The following SH3GLB2 variants were observed in gnomAD, a reference collection of about 807,000 sequenced individuals.
SH3GLB2 encodes the protein endophilin-B2.
Under a neutral mutation model 48.0 loss-of-function variants are expected in SH3GLB2, and 24 were observed. The ratio of observed to expected loss-of-function variants is 0.50; its 90% CI spans 0.36 to 0.70. The LOEUF is 0.70. SH3GLB2 is among the 30% of genes least tolerant of loss of function. The pLI, the probability that SH3GLB2 is intolerant of heterozygous loss-of-function variation, is 0.00. For missense variants in SH3GLB2, 425 were observed against 516.0 expected, an observed-to-expected ratio of 0.82 and a Z score of 1.71; for synonymous variants, 227 against 207.6, an observed-to-expected ratio of 1.09 and a Z score of -0.80.
At chr9:129,012,931 C>T in intron 5 of SH3GLB2, 2 of 1,538,154 alleles carry the variant, frequency 1.3e-6, no homozygotes, top group Non-Finnish European at 1.8e-6. Context: ...AGGACGTGGG[C>T]TGGCCATGGC....
chr9:129,020,950 T>C, intron 3 of SH3GLB2, 141 bp downstream of exon 3: 2 of 1,050,226 alleles, frequency 1.9e-6, no homozygotes, highest in Non-Finnish European at 2.5e-6. Flanking sequence ...ACTCTTTTTT[T>C]CTGCGTAGAG....
At position 129,009,881 on chromosome 9, in the gene SH3GLB2, A is replaced by G. The variant is rs1361458047; in HGVS notation, c.739-10T>C. ...AGCGCAGGTGGTTCACCTGCGGGGA[A>G]GAGGCCAGAGGCTGACTTCTAACCT... On this transcript the variant is annotated splice_polypyrimidine_tract_variant and intron_variant, in intron 8 of 10. Coordinates refer to ENST00000372564, the MANE Select transcript of SH3GLB2 (RefSeq NM_020145.4). The G allele has an allele frequency of 2.5e-6, 4 of 1,610,802 alleles. No individual in the cohort carries two copies. In the East Asian group the frequency reaches 8.9e-5, roughly 36 times the overall value.
chr9:129,026,985 C>A (rs1412640143), intron 1 of SH3GLB2, among the ~76,000 whole-genome samples: 5 of 152,040 alleles, frequency 3.3e-5, no homozygotes, highest in Admixed American at 1.3e-4. Context: ...AGGGGAGTGC[C>A]CGGGTTGGGG....
chr9:129,012,949 G>A, intron 5 of SH3GLB2: 1 of 1,549,566 alleles, frequency 6.5e-7, no homozygotes, highest in Non-Finnish European at 8.7e-7. Context: ...GGCACCGTGG[G>A]TCCACGGGCA....
Position 129,019,806 on chromosome 9 carries a change from T to G in SH3GLB2, c.334+1285A>C, listed in dbSNP as rs567493957. On this transcript the variant is annotated intron_variant, in intron 3 of 10. Coordinates refer to ENST00000372564, the MANE Select transcript of SH3GLB2 (RefSeq NM_020145.4). ...GAATTATACACTTAAACACATAATATATAGCTTATACTTGGATAAAATTTT... is the reference window on the plus strand; with the variant it reads ...GAATTATACACTTAAACACATAATAGATAGCTTATACTTGGATAAAATTTT... Among the ~76,000 whole-genome samples, 3 of 150,546 alleles carry G rather than the reference T, an allele frequency of 2.0e-5. No homozygotes were observed. In the South Asian group the frequency reaches 6.3e-4, roughly 32 times the overall value.
intron 3 of SH3GLB2, among the ~76,000 whole-genome samples, chr9:129,016,919 A>G (rs1843462055): frequency 6.6e-6 from 1 of 151,906 alleles, no homozygotes; most frequent in African/African-American, 2.4e-5. Context: ...AGATAATTCA[A>G]CAGTAATAGT....
chr9:129,016,764 G>A (rs1180866690), intron 3 of SH3GLB2, among the ~76,000 whole-genome samples: 1 of 151,944 alleles, frequency 6.6e-6, no homozygotes, highest in African/African-American at 2.4e-5. Context: ...AGACAAAATA[G>A]ACTTTAACAC....
chr9:129,017,438 C>G lies in SH3GLB2; in HGVS notation c.335-2534G>C, dbSNP rs749370170. 3.9e-5 allele frequency among the ~76,000 whole-genome samples: 6 copies of G among 152,098 alleles called. No homozygotes were observed. The East Asian group carries it at 5.8e-4, about 15-fold the overall frequency. ...ATAGACCATATACTAGGTCATGAAA[C>G]AAGTCTCAATAAATTTAAAAGGATT... On this transcript the variant is annotated intron_variant, in intron 3 of 10. Transcript: ENST00000372564.
At position 129,014,500 on chromosome 9, in the gene SH3GLB2, CCTT is replaced by C; in HGVS notation, c.469_471del (p.Lys157del). On this transcript the variant is annotated inframe_deletion and splice_region_variant, in exon 5 of 11. Coordinates refer to ENST00000372564, the MANE Select transcript of SH3GLB2 (RefSeq NM_020145.4). This position sits in a 1 kb window ranked among gnomAD's most constrained non-coding sequence, Gnocchi z 4.1. Reference sequence around the variant, plus strand: ...CGCCGGTTTTGGAGGAGCCGCCTCTCCTTCTACAGGGCAGGGCATGGGGACAGT... The same window carrying C: ...CGCCGGTTTTGGAGGAGCCGCCTCTCCTACAGGGCAGGGCATGGGGACAGT... The C allele has an allele frequency of 6.4e-7, 1 of 1,551,586 alleles. No homozygotes were observed. The highest frequency in any genetic ancestry group is 2.0e-5 in the Admixed American group (1 of 51,006).
rs1465781316 is a variant in SH3GLB2, at chr9:129,009,974, G to C, written c.739-103C>G. ...TACCAGACCTTGCTCCGGCATTCCA[G>C]GGTGCCCTGCCCCTGCGCCCACACC... On this transcript the variant is annotated intron_variant, in intron 8 of 10. Transcript: ENST00000372564. 2.2e-6 allele frequency: 3 copies of C among 1,388,640 alleles called. No individual in the cohort carries two copies. The Admixed American group carries it at 5.6e-5, about 26-fold the overall frequency. The allele number at this position is 1,388,640 out of a possible 1,614,324, so 86.0% of individuals were successfully genotyped here.
chr9:129,010,811 C>G lies in SH3GLB2; in HGVS notation c.625-118G>C, dbSNP rs906603526. 6.3e-6 allele frequency: 8 copies of G among 1,275,692 alleles called. No individual in the cohort carries two copies. In the African/African-American group the frequency reaches 7.4e-5, roughly 12 times the overall value. The allele number at this position is 1,275,692 out of a possible 1,614,324, so 79.0% of individuals were successfully genotyped here. ...AACTTCTGCCCCCCTGCCCCTCTGC[C>G]CCCCCTCCCAAACAGGAGCTGAGAC... is the stretch of plus-strand genomic sequence containing the variant. On this transcript the variant is annotated intron_variant, in intron 6 of 10. Coordinates refer to ENST00000372564, the MANE Select transcript of SH3GLB2 (RefSeq NM_020145.4).
chr9:129,025,136 C>T (rs1226476457), intron 1 of SH3GLB2, among the ~76,000 whole-genome samples: 2 of 150,420 alleles, frequency 1.3e-5, no homozygotes, highest in African/African-American at 2.5e-5. Flanking sequence ...ATTAGCATGA[C>T]GTGGTGGTGG....
intron 1 of SH3GLB2, among the ~76,000 whole-genome samples, chr9:129,024,324 G>A (rs1278927055): frequency 6.6e-6 from 1 of 151,700 alleles, no homozygotes; most frequent in Non-Finnish European, 1.5e-5. Context: ...CACTTTGGGA[G>A]GCCAAGGCAG....
chr9:129,012,986 C>T lies in SH3GLB2; in HGVS notation c.562-688G>A, dbSNP rs200437730. The T allele has an allele frequency of 4.3e-5, 66 of 1,551,008 alleles. No individual in the cohort carries two copies. In the South Asian group the frequency reaches 7.0e-4, roughly 16 times the overall value. On this transcript the variant is annotated intron_variant, in intron 5 of 10. Coordinates refer to ENST00000372564, the MANE Select transcript of SH3GLB2 (RefSeq NM_020145.4). ...GATGGGCAGACCGGAAGCAGCACAGCGCGTGGGACAGGTATACTCACATCT... is the reference window on the plus strand; with the variant it reads ...GATGGGCAGACCGGAAGCAGCACAGTGCGTGGGACAGGTATACTCACATCT...
chr9:129,014,314 G>T lies in SH3GLB2; in HGVS notation c.561+97C>A. The T allele has an allele frequency of 8.9e-7, 1 of 1,124,226 alleles. No individual in the cohort carries two copies. The highest frequency in any genetic ancestry group is 1.3e-6 in the Non-Finnish European group (1 of 776,556). The allele number at this position is 1,124,226 out of a possible 1,614,324, so 69.6% of individuals were successfully genotyped here. ...GGCATCTCCAGCCAGGGAGAGGGGA[G>T]AGAGGTCATGCCAAATACCAGGTCC... On this transcript the variant is annotated intron_variant, in intron 5 of 10. Transcript: ENST00000372564. This position sits in a 1 kb window ranked among gnomAD's most constrained non-coding sequence, Gnocchi z 4.1.
At chr9:129,012,847 C>T in intron 5 of SH3GLB2, 1 of 818,056 alleles carries the variant, frequency 1.2e-6, no homozygotes, top group Non-Finnish European at 1.9e-6. Context: ...CAACGCCTGG[C>T]ATCCCCCCCT....
In SH3GLB2 at chr9:129,014,576, T is replaced by C; in HGVS notation, c.469-73A>G. 6.6e-7 allele frequency: 1 copy of C among 1,505,486 alleles called. No individual in the cohort carries two copies. The highest frequency in any genetic ancestry group is 9.1e-7 in the Non-Finnish European group (1 of 1,104,728). The allele number at this position is 1,505,486 out of a possible 1,614,324, so 93.3% of individuals were successfully genotyped here. The stretch of plus-strand genomic sequence containing the variant: ...GACCCTGAGCCATGCATGGCAAGAT[T>C]GGTGCCGGGGACGATCAAGTCAAGA... On this transcript the variant is annotated intron_variant, in intron 4 of 10. Coordinates refer to ENST00000372564, the MANE Select transcript of SH3GLB2 (RefSeq NM_020145.4). This position sits in a 1 kb window ranked among gnomAD's most constrained non-coding sequence, Gnocchi z 4.1.
chr9:129,018,142 C>A, intron 3 of SH3GLB2, among the ~76,000 whole-genome samples: 1 of 152,066 alleles, frequency 6.6e-6, no homozygotes, highest in African/African-American at 2.4e-5. Flanking sequence ...ATTCTCTGAT[C>A]GCAGTGGAAT....
At position 129,014,758 on chromosome 9, in the gene SH3GLB2, C is replaced by T. The variant is rs368015749; in HGVS notation, c.468+13G>A. The T allele has an allele frequency of 5.7e-5, 92 of 1,610,190 alleles. No individual in the cohort carries two copies. The highest frequency in any genetic ancestry group is 7.6e-5 in the Non-Finnish European group (90 of 1,178,494). On this transcript the variant is annotated intron_variant, in intron 4 of 10. Coordinates refer to ENST00000372564, the MANE Select transcript of SH3GLB2 (RefSeq NM_020145.4). The surrounding 1 kb of genome is among the most constrained non-coding windows in gnomAD (Gnocchi z 4.1). ...ATGGTTACCAGGAAGCGGAATAGTCCCAGGGCCCTCACCGAGATGGTCTTC... is the reference window on the plus strand; with the variant it reads ...ATGGTTACCAGGAAGCGGAATAGTCTCAGGGCCCTCACCGAGATGGTCTTC...
Sources: gnomAD v4.1 joint callset for allele counts (sites outside exome capture counted in the v4.1 genomes callset) on GRCh38, gnomAD v4.1.1 for gene constraint, Gnocchi (gnomAD v3.1) non-coding constraint, MANE v1.5 for transcripts, NCBI Gene and HGNC (gene_info 2026-07-23, HGNC 2026-07-21) for gene names.